HS1BP3: variants seen among roughly 807,000 people sequenced by gnomAD.
HS1BP3 encodes HCLS1 binding protein 3, also known as HCLS1-binding protein 3.
In HS1BP3, 32 loss-of-function variants were observed where a neutral mutation model predicts 33.5. The observed-to-expected ratio is 0.95, with a 90% CI of 0.72 to 1.28. The LOEUF is 1.28. HS1BP3 is among the 50% of genes most tolerant of loss of function. HS1BP3 has a pLI of 0.00. For missense variants in HS1BP3, 486 were observed against 502.3 expected, an observed-to-expected ratio of 0.97 and a Z score of 0.31; for synonymous variants, 187 against 209.2, an observed-to-expected ratio of 0.89 and a Z score of 0.92.
At chr2:20,649,500 C>T (rs926425027) in intron 1 of HS1BP3, among the ~76,000 whole-genome samples, 6 of 152,194 alleles carry the variant, frequency 3.9e-5, no homozygotes, top group African/African-American at 1.2e-4. Flanking sequence ...CCTGACATGT[C>T]GTAGATTTGC....
chr2:20,617,974 C>T lies in HS1BP3; in HGVS notation c.*1013G>A, dbSNP rs1281176640. ...CGGCTCCTTCTCCCTGGGAAGGCAG[C>T]TCCACTGGTGAAAGGCCACTGACCA... On this transcript the variant is annotated 3_prime_UTR_variant, in exon 7 of 7. Coordinates refer to ENST00000304031, the MANE Select transcript of HS1BP3 (RefSeq NM_022460.4). 1 of 152,618 alleles carries T rather than the reference C, an allele frequency of 6.6e-6. No homozygotes were observed. The highest frequency in any genetic ancestry group is 2.4e-5 in the African/African-American group (1 of 41,464). The allele number at this position is 152,618 out of a possible 1,614,324, so 9.5% of individuals were successfully genotyped here.
downstream of HS1BP3, among the ~76,000 whole-genome samples, chr2:20,555,471 A>T (rs905264531): frequency 1.3e-5 from 2 of 152,202 alleles, no homozygotes; most frequent in Non-Finnish European, 2.9e-5. Flanking sequence ...CACAGGTCAC[A>T]CATGCATGAA....
At chr2:20,555,458 T>C (rs922272530), downstream of HS1BP3, among the ~76,000 whole-genome samples, 5 of 152,154 alleles carry the variant, frequency 3.3e-5, no homozygotes, top group South Asian at 2.1e-4. Flanking sequence ...CCCTGGGTAA[T>C]GGCACAGGTC....
intron 4 of HS1BP3, among the ~76,000 whole-genome samples, chr2:20,630,655 C>G (rs1694940705): frequency 6.6e-6 from 1 of 152,194 alleles, no homozygotes; most frequent in African/African-American, 2.4e-5. Flanking sequence ...TTTGCAACAG[C>G]AATGGGCTTC....
downstream of HS1BP3, among the ~76,000 whole-genome samples, chr2:20,590,356 T>A (rs1693782090): frequency 6.6e-6 from 1 of 152,148 alleles, no homozygotes; most frequent in African/African-American, 2.4e-5. Flanking sequence ...GGGCATCCTC[T>A]GTTTGTTCTT....
At chr2:20,616,269 G>T (rs558262338), downstream of HS1BP3, among the ~76,000 whole-genome samples, 13 of 152,152 alleles carry the variant, frequency 8.5e-5, no homozygotes, top group African/African-American at 2.4e-5. Context: ...CAAAATCTTG[G>T]GGGGGATAGA....
chr2:20,581,959 G>C (rs528167187), intron 5 of HS1BP3, among the ~76,000 whole-genome samples: 12 of 152,190 alleles, frequency 7.9e-5, no homozygotes, highest in Admixed American at 5.9e-4. Context: ...AGAGGTACTC[G>C]ACTCAGGAAG....
chr2:20,591,752 C>T (rs780250507), downstream of HS1BP3, among the ~76,000 whole-genome samples: 3 of 152,040 alleles, frequency 2.0e-5, no homozygotes, highest in Middle Eastern at 3.2e-3. Flanking sequence ...TTAGTAGAGA[C>T]GTGGTTTCAT....
chr2:20,569,420 C>T (rs1373814334), intron 5 of HS1BP3, among the ~76,000 whole-genome samples: 1 of 152,174 alleles, frequency 6.6e-6, no homozygotes. Context: ...AACAGGCTGA[C>T]TCCTACATAG....
intron 4 of HS1BP3, among the ~76,000 whole-genome samples, chr2:20,628,901 A>T (rs920223231): frequency 5.3e-5 from 8 of 152,250 alleles, no homozygotes; most frequent in African/African-American, 1.9e-4. Context: ...GGGACCCCTT[A>T]GGTTTGCAGC....
intron 5 of HS1BP3, among the ~76,000 whole-genome samples, chr2:20,574,761 G>C (rs1238566911): frequency 6.6e-6 from 1 of 152,214 alleles, no homozygotes; most frequent in Non-Finnish European, 1.5e-5. Context: ...ACAGGGGTCT[G>C]CTTCCTTATC....
chr2:20,629,861 C>T (rs1025189636), intron 4 of HS1BP3, among the ~76,000 whole-genome samples: 8 of 152,238 alleles, frequency 5.3e-5, no homozygotes, highest in Non-Finnish European at 1.2e-4. Context: ...AATGCTCAGA[C>T]AGGCTGAGCA....
At chr2:20,588,571 C>G (rs577079589), downstream of HS1BP3, among the ~76,000 whole-genome samples, 1 of 152,160 alleles carries the variant, frequency 6.6e-6, no homozygotes, top group Non-Finnish European at 1.5e-5. Flanking sequence ...CCGACTGCCT[C>G]GGCCTCCCAA....
chr2:20,566,983 T>C (rs1299134909), intron 5 of HS1BP3, among the ~76,000 whole-genome samples: 1 of 152,084 alleles, frequency 6.6e-6, no homozygotes, highest in Non-Finnish European at 1.5e-5. Flanking sequence ...AGAACAAGGA[T>C]TGAGTTTCTC....
chr2:20,594,339 T>TGGG (rs1229473049), intron 3 of HS1BP3, among the ~76,000 whole-genome samples: 2 of 152,208 alleles, frequency 1.3e-5, no homozygotes, highest in African/African-American at 4.8e-5. Context: ...AGAGAAAAGA[T>TGGG]CCTGGAGGAG....
intron 2 of HS1BP3, among the ~76,000 whole-genome samples, chr2:20,607,488 C>T (rs2149284935): frequency 6.6e-6 from 1 of 152,294 alleles, no homozygotes; most frequent in South Asian, 2.1e-4. Flanking sequence ...TGGATGTCCC[C>T]TCCAATACAA....
intron 5 of HS1BP3, among the ~76,000 whole-genome samples, chr2:20,563,010 A>G (rs545163680): frequency 1.3e-5 from 2 of 152,332 alleles, no homozygotes; most frequent in South Asian, 4.1e-4. Flanking sequence ...ATTTCCAAAG[A>G]TGCTGATCTT....
intron 5 of HS1BP3, among the ~76,000 whole-genome samples, chr2:20,565,964 A>G (rs1693116498): frequency 1.3e-5 from 2 of 152,320 alleles, no homozygotes; most frequent in East Asian, 3.9e-4. Context: ...TAGCTACCAC[A>G]TACGCATTGC....
chr2:20,595,407 C>T (rs890807571), intron 3 of HS1BP3, among the ~76,000 whole-genome samples: 2 of 152,194 alleles, frequency 1.3e-5, no homozygotes, highest in East Asian at 1.9e-4. Flanking sequence ...AGGAGCAGAA[C>T]CCTATCATCC....
Sources: allele counts gnomAD v4.1 joint callset (sites outside exome capture counted in the v4.1 genomes callset), GRCh38; gene constraint gnomAD v4.1.1; transcripts MANE v1.5; gene names NCBI Gene and HGNC (gene_info 2026-07-23, HGNC 2026-07-21).